The following INA variants were observed in gnomAD, a reference collection of about 807,000 sequenced individuals.
INA encodes the protein internexin neuronal intermediate filament protein alpha, also known as alpha-internexin.
Under a neutral mutation model 40.1 loss-of-function variants are expected in INA, and 35 were observed. The observed-to-expected ratio is 0.87, with a 90% confidence interval of 0.67 to 1.16. The LOEUF is 1.16. INA is among the 50% of genes most tolerant of loss of function. The pLI is 0.00. For synonymous variants in INA, 290 were observed against 316.9 expected, an observed-to-expected ratio of 0.92 and a Z score of 0.90; for missense variants, 594 against 686.7, an observed-to-expected ratio of 0.87 and a Z score of 1.51.
chr10:103,281,271 C>G (rs922386927), intron 1 of INA, among the ~76,000 whole-genome samples: 7 of 152,070 alleles, frequency 4.6e-5, no homozygotes, highest in African/African-American at 1.7e-4. Context: ...GTCACCTGGG[C>G]TACCATGATA....
Position 103,277,464 on chromosome 10 carries a change from A to G in INA, c.253A>G (p.Asn85Asp). 6.3e-7 allele frequency: 1 copy of G among 1,578,290 alleles called. No individual in the cohort carries two copies. The highest frequency in any genetic ancestry group is 1.8e-5 in the Admixed American group (1 of 56,848). Residue 85 changes from asparagine (N) to aspartate (D), a missense_variant, in exon 1 of 3, where the codon AAC (asparagine) becomes GAC (aspartate). Asn to Asp is a conservative substitution (Grantham distance 23). This residue lies in a region of INA where 215 missense variants were observed against 190.6 expected (regional missense o/e 1.13). Coordinates refer to ENST00000369849, the MANE Select transcript of INA (RefSeq NM_032727.4). This position sits in a 1 kb window ranked among gnomAD's most constrained non-coding sequence, Gnocchi z 5.6. ...CCTGAGCCAGGCGGCGGCGCGCACC[A>G]ACGAGTACAAGATCATCCGCACCAA... ...LDLSQAAARTNEYKIIRTNEK... is the reference protein window; with the variant it reads ...LDLSQAAARTDEYKIIRTNEK...
Position 103,278,434 on chromosome 10 carries a change from C to G in INA, c.1065+158C>G, listed in dbSNP as rs866711102. Among the ~76,000 whole-genome samples the G allele has an allele frequency of 6.6e-6, 1 of 152,214 alleles. No individual in the cohort carries two copies. Among genetic ancestry groups the G allele is most frequent in the Non-Finnish European group, 1.5e-5 (1 of 68,032 alleles). On this transcript the variant is annotated intron_variant, in intron 1 of 2. Transcript: ENST00000369849. The surrounding 1 kb of genome is among the most constrained non-coding windows in gnomAD (Gnocchi z 4.9). ...GCTGGTTAACAAAAAACCCTGGAGT[C>G]TTTAATGTTAATTTTAGGGAACGCC... is the stretch of plus-strand genomic sequence containing the variant.
rs755431963 is a variant in INA at position 103,277,427 on chromosome 10, C to T, written c.216C>T (p.Ser72=). The part of the protein sequence containing the change: ...LGLAYRRPPA[S]DGLDLSQAAA... ...TGGCCTATCGCCGGCCGCCGGCGTC[C>T]GACGGGCTGGACCTGAGCCAGGCGG... The change falls in exon 1 of 3, where the codon TCC becomes TCT. Residue 72 remains serine, a synonymous_variant. Transcript: ENST00000369849. The surrounding 1 kb of genome is among the most constrained non-coding windows in gnomAD (Gnocchi z 5.6). 2.2e-5 allele frequency: 34 copies of T among 1,562,962 alleles called. No individual in the cohort carries two copies. The Middle Eastern group carries it at 8.7e-4, about 40-fold the overall frequency.
intron 1 of INA, among the ~76,000 whole-genome samples, chr10:103,284,967 A>ATATTT (rs137911103): frequency 0.066 from 9,954 of 150,938 alleles, 900 homozygotes; most frequent in African/African-American, 0.2. Flanking sequence ...AGAGGACATT[A>ATATTT]TATTTTATTT....
chr10:103,280,127 C>T (rs2093069628), intron 1 of INA: 1 of 985,422 alleles, frequency 1.0e-6, no homozygotes, highest in Non-Finnish European at 1.2e-6. Flanking sequence ...AGGCTTTCAT[C>T]ATTAGACAAT....
chr10:103,287,165 G>A lies in INA; in HGVS notation c.1190+6G>A, dbSNP rs952787986. On this transcript the variant is annotated splice_donor_region_variant and intron_variant, in intron 2 of 2. Transcript: ENST00000369849. Reference sequence around the variant, plus strand: ...ATTGAGATAGCAGCTTACAGGTACTGCAAAGGACCTGCTTACCCGAGTAAA... The same window carrying A: ...ATTGAGATAGCAGCTTACAGGTACTACAAAGGACCTGCTTACCCGAGTAAA... 1.2e-6 allele frequency: 2 copies of A among 1,611,944 alleles called. No homozygotes were observed. Among genetic ancestry groups the A allele is most frequent in the Non-Finnish European group, 1.7e-6 (2 of 1,179,064 alleles).
chr10:103,278,296 G>T lies in INA; in HGVS notation c.1065+20G>T, dbSNP rs1487078347. On this transcript the variant is annotated intron_variant, in intron 1 of 2. Coordinates refer to ENST00000369849, the MANE Select transcript of INA (RefSeq NM_032727.4). The surrounding 1 kb of genome is among the most constrained non-coding windows in gnomAD (Gnocchi z 4.9). ...TACCAGGTAAGGGCCGGGGCTGGGC[G>T]TGGGGAGGGGTGCCCTGCCCTCTTC... 6.7e-7 allele frequency: 1 copy of T among 1,500,542 alleles called. No homozygotes were observed. Among genetic ancestry groups the T allele is most frequent in the African/African-American group, 1.4e-5 (1 of 72,240 alleles). 93.0% of individuals were successfully genotyped at this position (1,500,542 alleles called of 1,614,324 possible).
intron 1 of INA, chr10:103,280,136 A>G: frequency 5.1e-6 from 5 of 985,440 alleles, no homozygotes; most frequent in Non-Finnish European, 6.0e-6. Context: ...TCATTAGACA[A>G]TGGTAGCGTC....
chr10:103,283,381 T>C (rs942252123), intron 1 of INA, among the ~76,000 whole-genome samples: 8 of 152,188 alleles, frequency 5.3e-5, no homozygotes, highest in Admixed American at 3.3e-4. Context: ...TAACCTCAAA[T>C]AGGAACTATC....
intron 1 of INA, among the ~76,000 whole-genome samples, chr10:103,286,608 A>G (rs528310614): frequency 6.6e-6 from 1 of 152,078 alleles, no homozygotes; most frequent in Non-Finnish European, 1.5e-5. Flanking sequence ...CTAAGCTGCT[A>G]ACCTGAGGCT....
chr10:103,280,442 A>T lies in INA; in HGVS notation c.1065+2166A>T, dbSNP rs2093070212. On this transcript the variant is annotated intron_variant, in intron 1 of 2. Coordinates refer to ENST00000369849, the MANE Select transcript of INA (RefSeq NM_032727.4). ...ACCAAGGTGAAAAGCCTCCCTTTCT[A>T]CAGTGAGATTTAGCCATTGTTTTCT... The T allele has an allele frequency of 3.0e-6, 3 of 985,336 alleles. No homozygotes were observed. The South Asian group carries it at 1.4e-4, about 46-fold the overall frequency. The allele number at this position is 985,336 out of a possible 1,614,324, so 61.0% of individuals were successfully genotyped here.
intron 2 of INA, among the ~76,000 whole-genome samples, chr10:103,287,882 G>C (rs562464112): frequency 3.3e-5 from 5 of 152,184 alleles, no homozygotes; most frequent in African/African-American, 7.2e-5. Flanking sequence ...TGTTATTGCT[G>C]GTTCTATTCC....
At chr10:103,281,124 T>C (rs2093071581) in intron 1 of INA, among the ~76,000 whole-genome samples, 1 of 152,140 alleles carries the variant, frequency 6.6e-6, no homozygotes, top group African/African-American at 2.4e-5. Flanking sequence ...AGACTGGAGG[T>C]GACAGTGGCT....
Position 103,278,416 on chromosome 10 carries a change from A to G in INA, c.1065+140A>G. The G allele has an allele frequency of 1.5e-6, 1 of 673,996 alleles. No individual in the cohort carries two copies. Among genetic ancestry groups the G allele is most frequent in the South Asian group, 2.1e-5 (1 of 48,436 alleles). The allele number at this position is 673,996 out of a possible 1,614,324, so 41.8% of individuals were successfully genotyped here. A position where few individuals can be genotyped will look rare whatever the true frequency, so the allele number is the denominator to read the frequency against. ...AGAGCCGCGGCTGGAGGCGCTGGTT[A>G]ACAAAAAACCCTGGAGTCTTTAATG... On this transcript the variant is annotated intron_variant, in intron 1 of 2. Transcript: ENST00000369849. The surrounding 1 kb of genome is among the most constrained non-coding windows in gnomAD (Gnocchi z 4.9).
At chr10:103,285,141 G>C (rs907741634) in intron 1 of INA, among the ~76,000 whole-genome samples, 5 of 151,134 alleles carry the variant, frequency 3.3e-5, no homozygotes. Flanking sequence ...GCACCACCAC[G>C]CCCGGCTAAT....
chr10:103,277,522 G>A lies in INA; in HGVS notation c.311G>A (p.Arg104His). 6.3e-7 allele frequency: 1 copy of A among 1,586,476 alleles called. No homozygotes were observed. ...EKEQLQGLND[R>H]FAVFIEKVHQ... Reference sequence around the variant, plus strand: ...GAGCAGCTGCAGGGCCTCAACGACCGCTTCGCCGTGTTCATCGAGAAGGTG... The same window carrying A: ...GAGCAGCTGCAGGGCCTCAACGACCACTTCGCCGTGTTCATCGAGAAGGTG... Residue 104 changes from arginine to histidine, a missense_variant, in exon 1 of 3, where the codon CGC becomes CAC. Arg to His is a conservative substitution (Grantham distance 29, BLOSUM62 0). Coordinates refer to ENST00000369849, the MANE Select transcript of INA (RefSeq NM_032727.4). The surrounding 1 kb of genome is among the most constrained non-coding windows in gnomAD (Gnocchi z 5.6).
chr10:103,284,218 T>C (rs1592043904), intron 1 of INA, among the ~76,000 whole-genome samples: 1 of 151,892 alleles, frequency 6.6e-6, no homozygotes, highest in Non-Finnish European at 1.5e-5. Context: ...AGCAATTCTC[T>C]CAGCTCAGCC....
Position 103,277,766 on chromosome 10 carries a change from G to C in INA, c.555G>C (p.Glu185Asp). ...GGCTGCGGGCGCGCTGCGAGGAGGA[G>C]AGCCGCGGACGCGAAGGCGCCGAGC... The part of the protein sequence containing the change: ...VQRLRARCEE[E>D]SRGREGAERA... Residue 185 changes from glutamate to aspartate, a missense_variant, in exon 1 of 3, where the codon GAG becomes GAC. By Grantham distance (45) the Glu-to-Asp change is conservative. Transcript: ENST00000369849. The surrounding 1 kb of genome is among the most constrained non-coding windows in gnomAD (Gnocchi z 5.6). 1 of 1,479,322 alleles carries C rather than the reference G, an allele frequency of 6.8e-7. No homozygotes were observed. Among genetic ancestry groups the C allele is most frequent in the Non-Finnish European group, 8.9e-7 (1 of 1,124,536 alleles). 91.6% of individuals were successfully genotyped at this position (1,479,322 alleles called of 1,614,324 possible). A position where few individuals can be genotyped will look rare whatever the true frequency, so the allele number is the denominator to read the frequency against.
In INA at chr10:103,288,976, C is replaced by T. The variant is rs1063460; in HGVS notation, c.*307C>T. The T allele has an allele frequency of 4.2e-5, 8 of 188,822 alleles. No homozygotes were observed. The highest frequency in any genetic ancestry group is 2.3e-3 in the Middle Eastern group (1 of 444). 11.7% of individuals were successfully genotyped at this position (188,822 alleles called of 1,614,324 possible). A position where few individuals can be genotyped will look rare whatever the true frequency, so the allele number is the denominator to read the frequency against. ...AGTACAAACTAAGGTGCTAAATCTGCGATCATCGTCATTTGCTGTGAACTG... is the reference window on the plus strand; with the variant it reads ...AGTACAAACTAAGGTGCTAAATCTGTGATCATCGTCATTTGCTGTGAACTG... On this transcript the variant is annotated 3_prime_UTR_variant, in exon 3 of 3. Coordinates refer to ENST00000369849, the MANE Select transcript of INA (RefSeq NM_032727.4).
Sources: gnomAD v4.1 joint callset for allele counts (sites outside exome capture counted in the v4.1 genomes callset) on GRCh38, gnomAD v4.1.1 for gene constraint, gnomAD v4.1.1 regional missense constraint, Gnocchi (gnomAD v3.1) non-coding constraint, MANE v1.5 for transcripts, NCBI Gene and HGNC (gene_info 2026-07-23, HGNC 2026-07-21) for gene names.